Variants in EYS observed in about 807,000 individuals in gnomAD.
The protein encoded by EYS is protein eyes shut homolog.
A neutral mutation model predicts 282.1 loss-of-function variants in EYS; 250 were observed. The ratio of observed to expected loss-of-function variants is 0.89; its 90% CI spans 0.80 to 0.98. The LOEUF is 0.98. EYS is among the 50% of genes least tolerant of loss of function. The pLI is 0.00. For synonymous variants in EYS, 1,355 were observed against 1,282.9 expected, an observed-to-expected ratio of 1.06 and a Z score of -1.20; for missense variants, 4,016 against 3,709.0, an observed-to-expected ratio of 1.08 and a Z score of -2.15.
intron 13 of EYS, among the ~76,000 whole-genome samples, chr6:65,046,470 A>G (rs1032332912): frequency 6.6e-6 from 1 of 151,842 alleles, no homozygotes; most frequent in African/African-American, 2.4e-5. Flanking sequence ...CTATCCTTCT[A>G]TGAACTTTTT....
chr6:64,559,478 T>C (rs753387789), intron 26 of EYS, among the ~76,000 whole-genome samples: 10 of 152,234 alleles, frequency 6.6e-5, no homozygotes, highest in Non-Finnish European at 8.8e-5. Context: ...GTCAATTATT[T>C]ATTCATATGT....
At chr6:64,943,823 A>AT (rs970595324) in intron 15 of EYS, among the ~76,000 whole-genome samples, 13 of 152,094 alleles carry the variant, frequency 8.5e-5, no homozygotes, top group African/African-American at 2.7e-4. Context: ...TACGAATGTC[A>AT]TTTTTCACAG....
At chr6:65,459,607 T>A (rs1764744048) in intron 5 of EYS, among the ~76,000 whole-genome samples, 1 of 151,550 alleles carries the variant, frequency 6.6e-6, no homozygotes, top group African/African-American at 2.4e-5. Context: ...ATACCAAAGA[T>A]GCTAAGGCAA....
At chr6:63,904,918 G>A (rs1316037410) in intron 35 of EYS, among the ~76,000 whole-genome samples, 1 of 152,066 alleles carries the variant, frequency 6.6e-6, no homozygotes, top group East Asian at 1.9e-4. Context: ...AAAATTCACT[G>A]TTTAAACCAT....
intron 19 of EYS, among the ~76,000 whole-genome samples, chr6:64,879,562 C>A (rs565655066): frequency 2.0e-5 from 3 of 151,074 alleles, no homozygotes; most frequent in East Asian, 2.0e-4. Flanking sequence ...TTGCAGAATG[C>A]GCTAAAAATA....
chr6:65,606,532 G>A (rs182314073), intron 2 of EYS, among the ~76,000 whole-genome samples: 90 of 151,686 alleles, frequency 5.9e-4, no homozygotes, highest in Admixed American at 2.0e-3. Context: ...TTTGAATGTC[G>A]CACCATTCTG....
chr6:65,196,895 C>G (rs1765780654), intron 12 of EYS, among the ~76,000 whole-genome samples: 1 of 151,970 alleles, frequency 6.6e-6, no homozygotes, highest in Non-Finnish European at 1.5e-5. Flanking sequence ...TAGCAGAGGC[C>G]AGCAGCCTCA....
chr6:64,377,239 T>A (rs1772590125), intron 29 of EYS, among the ~76,000 whole-genome samples: 1 of 152,176 alleles, frequency 6.6e-6, no homozygotes, highest in Non-Finnish European at 1.5e-5. Context: ...ATGAACTGAT[T>A]CAAAAGGAGC....
intron 12 of EYS, among the ~76,000 whole-genome samples, chr6:65,107,484 C>A (rs79132341): frequency 0.045 from 6,047 of 134,468 alleles, 174 homozygotes; most frequent in Middle Eastern, 0.071. Flanking sequence ...CTTGGGGAAA[C>A]AAATGGCTGC....
At chr6:65,153,414 T>TGTGTGTGTG in intron 12 of EYS, among the ~76,000 whole-genome samples, 1 of 137,710 alleles carries the variant, frequency 7.3e-6, no homozygotes, top group East Asian at 2.2e-4. Context: ...TGTGTGTGTG[T>TGTGTGTGTG]TAACCACTAA....
At chr6:65,318,718 T>C (rs1769385299) in intron 11 of EYS, among the ~76,000 whole-genome samples, 1 of 150,676 alleles carries the variant, frequency 6.6e-6, no homozygotes, top group Non-Finnish European at 1.5e-5. Flanking sequence ...CTCCACTCAT[T>C]GCAGCCTCCG....
intron 5 of EYS, among the ~76,000 whole-genome samples, chr6:65,479,999 C>CAAA (rs71002309): frequency 0.021 from 2,616 of 126,180 alleles, 40 homozygotes; most frequent in Middle Eastern, 0.041. Context: ...ACTAAAAATA[C>CAAA]AAAAAAAAAA....
intron 40 of EYS, among the ~76,000 whole-genome samples, chr6:63,766,046 A>G (rs1769780527): frequency 6.6e-6 from 1 of 152,010 alleles, no homozygotes. Flanking sequence ...CTCTCTGGTG[A>G]CGTAATTTTA....
At chr6:64,939,706 C>T (rs1769024764) in intron 15 of EYS, among the ~76,000 whole-genome samples, 1 of 151,676 alleles carries the variant, frequency 6.6e-6, no homozygotes, top group Admixed American at 6.6e-5. Flanking sequence ...GTATTTAACT[C>T]ATATGTATAA....
chr6:63,847,558 T>A (rs939640206), intron 36 of EYS, among the ~76,000 whole-genome samples: 1 of 152,226 alleles, frequency 6.6e-6, no homozygotes, highest in African/African-American at 2.4e-5. Flanking sequence ...CAAGAGATTA[T>A]TGGAATTACC....
chr6:64,156,208 A>G (rs1774917107), intron 31 of EYS, among the ~76,000 whole-genome samples: 1 of 152,034 alleles, frequency 6.6e-6, no homozygotes, highest in Non-Finnish European at 1.5e-5. Context: ...GGTTTCCCCC[A>G]TACAGTTCTC....
chr6:65,191,974 C>A (rs1477752386), intron 12 of EYS, among the ~76,000 whole-genome samples: 2 of 150,322 alleles, frequency 1.3e-5, no homozygotes, highest in Non-Finnish European at 3.0e-5. Context: ...ATTTTAAAGA[C>A]TTCCAAAATA....
intron 12 of EYS, among the ~76,000 whole-genome samples, chr6:65,242,911 T>A (rs1286297309): frequency 1.3e-5 from 2 of 152,152 alleles, no homozygotes; most frequent in Admixed American, 6.6e-5. Flanking sequence ...GCCACTGCTG[T>A]CTTCTTTGAA....
chr6:65,407,826 T>C (rs1562159547), intron 5 of EYS, among the ~76,000 whole-genome samples: 2 of 151,186 alleles, frequency 1.3e-5, no homozygotes, highest in Admixed American at 1.3e-4. Context: ...TGTTCCAGTG[T>C]TAAATAGAAA....
Sources: allele counts gnomAD v4.1 joint callset (sites outside exome capture counted in the v4.1 genomes callset), GRCh38; gene constraint gnomAD v4.1.1; transcripts MANE v1.5; gene names NCBI Gene and HGNC (gene_info 2026-07-23, HGNC 2026-07-21).